Variants in LINS1 observed in about 807,000 individuals in gnomAD.
LINS1 encodes protein Lines homolog 1.
In LINS1, 27 loss-of-function variants were observed where a neutral mutation model predicts 41.6. The ratio of observed to expected loss-of-function variants is 0.65; its 90% CI spans 0.48 to 0.89. LINS1 has a LOEUF of 0.89. Among genes scored for constraint, LINS1 ranks in the 40% least tolerant of loss-of-function variants. The probability of loss-of-function intolerance (pLI) is 0.00; values close to 1 mark genes in which losing one functional copy is unlikely to be tolerated. For missense variants in LINS1, 955 were observed against 884.1 expected, an observed-to-expected ratio of 1.08 and a Z score of -1.02; for synonymous variants, 336 against 312.9, an observed-to-expected ratio of 1.07 and a Z score of -0.78.
chr15:100,581,972 C>T (rs373171325), intron 1 of LINS1, among the ~76,000 whole-genome samples: 11 of 152,258 alleles, frequency 7.2e-5, no homozygotes, highest in African/African-American at 2.4e-4. Flanking sequence ...GTTGTGATTT[C>T]ACACTCTTGA....
rs1199479482 is a variant in LINS1 at position 100,569,335 on chromosome 15, A to C, written c.2177T>G (p.Leu726Trp). The C allele has an allele frequency of 1.2e-6, 2 of 1,614,156 alleles. No homozygotes were observed. Among genetic ancestry groups the C allele is most frequent in the Admixed American group, 1.7e-5 (1 of 60,018 alleles). ...FQELQDAICR[L>W]QKKNLFPYNP... ...ATATGGGAAAAGATTTTTCTTTTGC[A>C]AACGGCAGATGGCATCTTGTAGTTC... The change falls in exon 7 of 7, where the codon TTG (leucine) becomes TGG (tryptophan). Residue 726 changes from leucine (L) to tryptophan (W), a missense_variant. By Grantham distance (61) the Leu-to-Trp change is moderately conservative. Coordinates refer to ENST00000314742, the MANE Select transcript of LINS1 (RefSeq NM_001040616.3).
chr15:100,598,321 T>C (rs2039334756), intron 1 of LINS1, among the ~76,000 whole-genome samples: 1 of 152,184 alleles, frequency 6.6e-6, no homozygotes, highest in South Asian at 2.1e-4. Context: ...CTAAAATCAG[T>C]CCCAAAGTAT....
At chr15:100,583,894 T>C (rs1403965787) in intron 1 of LINS1, among the ~76,000 whole-genome samples, 1 of 151,998 alleles carries the variant, frequency 6.6e-6, no homozygotes, top group African/African-American at 2.4e-5. Context: ...ATTTTAGTTA[T>C]AATAACATTT....
At chr15:100,591,722 T>C (rs1234750772) in intron 1 of LINS1, among the ~76,000 whole-genome samples, 2 of 152,118 alleles carry the variant, frequency 1.3e-5, no homozygotes, top group African/African-American at 2.4e-5. Context: ...ACCATCAAGC[T>C]TCAGATGATC....
intron 6 of LINS1, 104 bp from the exon 7 acceptor site, chr15:100,570,221 T>A: frequency 1.1e-6 from 1 of 930,658 alleles, no homozygotes; most frequent in Non-Finnish European, 1.6e-6. Context: ...TAGATTACTT[T>A]TAAATCTATG....
intron 1 of LINS1, among the ~76,000 whole-genome samples, chr15:100,585,132 C>T (rs10438472): frequency 0.011 from 1,649 of 152,250 alleles, 30 homozygotes; most frequent in African/African-American, 0.037. Context: ...AGTAAGCCAT[C>T]GCCTCTGGAA....
chr15:100,598,571 G>A (rs1224471917), intron 1 of LINS1, among the ~76,000 whole-genome samples: 1 of 152,150 alleles, frequency 6.6e-6, no homozygotes, highest in East Asian at 1.9e-4. Context: ...TACCATAGAA[G>A]ACCAAAATCC....
At chr15:100,584,114 T>G (rs1176809883) in intron 1 of LINS1, among the ~76,000 whole-genome samples, 1 of 152,220 alleles carries the variant, frequency 6.6e-6, no homozygotes, top group East Asian at 1.9e-4. Flanking sequence ...CAAAGTCTAA[T>G]TCCATTGCAC....
In LINS1 at chr15:100,573,899, G is replaced by A. The variant is rs781334272; in HGVS notation, c.974C>T (p.Pro325Leu). 33 of 1,614,072 alleles carry A rather than the reference G, an allele frequency of 2.0e-5. 1 individual carries two copies. The South Asian group carries it at 2.4e-4, about 12-fold the overall frequency. The change falls in exon 5 of 7, where the codon CCG (proline) becomes CTG (leucine). Residue 325 changes from proline to leucine, a missense_variant. Physicochemically the swap from Pro to Leu is moderately conservative, Grantham distance 98 (BLOSUM62 -3). Coordinates refer to ENST00000314742, the MANE Select transcript of LINS1 (RefSeq NM_001040616.3). The stretch of plus-strand genomic sequence containing the variant: ...GTCCACCGCTACATGATGGTCTGGC[G>A]GCATTAAGGCAGGCACAGATCCACG... ...LCRGSVPALM[P>L]PDHHVAVDML...
chr15:100,599,168 G>C (rs944091677), intron 1 of LINS1, among the ~76,000 whole-genome samples: 1 of 152,162 alleles, frequency 6.6e-6, no homozygotes, highest in Non-Finnish European at 1.5e-5. Flanking sequence ...TATGTTGTAA[G>C]ATGTTCCCAT....
chr15:100,595,208 C>T (rs900684641), intron 1 of LINS1, among the ~76,000 whole-genome samples: 34 of 151,812 alleles, frequency 2.2e-4, no homozygotes, highest in African/African-American at 7.8e-4. Context: ...CGGAACTCAG[C>T]AAAATTTAAA....
chr15:100,595,855 G>A (rs2039221356), intron 1 of LINS1, among the ~76,000 whole-genome samples: 1 of 152,148 alleles, frequency 6.6e-6, no homozygotes, highest in Non-Finnish European at 1.5e-5. Context: ...CAACTGTCGC[G>A]GAAGTTGAGG....
chr15:100,582,092 C>T (rs1248945916), intron 1 of LINS1, among the ~76,000 whole-genome samples: 1 of 152,280 alleles, frequency 6.6e-6, no homozygotes, highest in Non-Finnish European at 1.5e-5. Flanking sequence ...TACACTGGGT[C>T]TTCCATCTAC....
At chr15:100,593,879 A>G (rs2039139362) in intron 1 of LINS1, among the ~76,000 whole-genome samples, 1 of 152,204 alleles carries the variant, frequency 6.6e-6, no homozygotes, top group Non-Finnish European at 1.5e-5. Context: ...TTACTATGCA[A>G]TTTCCCAATA....
At position 100,573,770 on chromosome 15, in the gene LINS1, T is replaced by C; in HGVS notation, c.1103A>G (p.Gln368Arg). 6 of 1,614,186 alleles carry C rather than the reference T, an allele frequency of 3.7e-6. No individual in the cohort carries two copies. Among genetic ancestry groups the C allele is most frequent in the Non-Finnish European group, 5.1e-6 (6 of 1,180,002 alleles). Residue 368 changes from glutamine (Q) to arginine (R), a missense_variant, in exon 5 of 7, where the codon CAA becomes CGA. Physicochemically the swap from Gln to Arg is conservative, Grantham distance 43. Transcript: ENST00000314742. The part of the protein sequence containing the change: ...KHSFFGGDEV[Q>R]PECELITSPD... ...ACTAGTGATAAGTTCACATTCAGGTTGAACTTCATCACCTCCAAAAAAGGA... is the reference window on the plus strand; with the variant it reads ...ACTAGTGATAAGTTCACATTCAGGTCGAACTTCATCACCTCCAAAAAAGGA...
At chr15:100,595,551 C>T (rs2039207985) in intron 1 of LINS1, among the ~76,000 whole-genome samples, 1 of 152,178 alleles carries the variant, frequency 6.6e-6, no homozygotes, top group South Asian at 2.1e-4. Context: ...ATCTCTCCTA[C>T]ACTGCTGGTG....
At chr15:100,600,961 C>A (rs2039465907) in intron 1 of LINS1, among the ~76,000 whole-genome samples, 1 of 152,150 alleles carries the variant, frequency 6.6e-6, no homozygotes, top group African/African-American at 2.4e-5. Context: ...CATCTCTATG[C>A]CCCACTCCCC....
At chr15:100,596,225 A>G (rs116890347) in intron 1 of LINS1, among the ~76,000 whole-genome samples, 2,379 of 152,318 alleles carry the variant, frequency 0.016, 37 homozygotes, top group Non-Finnish European at 0.022. Flanking sequence ...TCAAAACAAT[A>G]GTACTCAAAC....
rs3764199 is a variant in LINS1 at position 100,570,438 on chromosome 15, C to T, written c.1395-321G>A. ...TCCATGTGGTAAGATAATTCCTAAA[C>T]CTCCTTCCTTACCCTCAACAAGGGT... On this transcript the variant is annotated intron_variant, in intron 6 of 6. Coordinates refer to ENST00000314742, the MANE Select transcript of LINS1 (RefSeq NM_001040616.3). 34,417 of 224,896 alleles carry T rather than the reference C, an allele frequency of 0.15. 3,073 individuals carry two copies. The highest frequency in any genetic ancestry group is 0.28 in the Admixed American group (5,371 of 19,162). 13.9% of individuals were successfully genotyped at this position (224,896 alleles called of 1,614,324 possible). A position where few individuals can be genotyped will look rare whatever the true frequency, so the allele number is the denominator to read the frequency against.
Sources: gnomAD v4.1 joint callset for allele counts (sites outside exome capture counted in the v4.1 genomes callset) on GRCh38, gnomAD v4.1.1 for gene constraint, MANE v1.5 for transcripts, NCBI Gene and HGNC (gene_info 2026-07-23, HGNC 2026-07-21) for gene names.